THSD7A: variants seen among roughly 807,000 people sequenced by gnomAD.
THSD7A encodes the protein thrombospondin type 1 domain containing 7A.
Under a neutral mutation model 231.3 loss-of-function variants are expected in THSD7A, and 96 were observed. That is an observed-to-expected ratio of 0.41 (90% confidence interval 0.35 to 0.49). The LOEUF (loss-of-function observed/expected upper bound fraction) is 0.49. Among genes scored for constraint, THSD7A ranks in the 20% least tolerant of loss-of-function variants. The pLI is 0.05. For missense variants in THSD7A, 2,290 were observed against 2,070.2 expected, an observed-to-expected ratio of 1.11 and a Z score of -2.06; for synonymous variants, 940 against 743.3, an observed-to-expected ratio of 1.26 and a Z score of -4.30.
intron 1 of THSD7A, among the ~76,000 whole-genome samples, chr7:11,638,485 A>G (rs1781954097): frequency 6.6e-6 from 1 of 152,194 alleles, no homozygotes; most frequent in South Asian, 2.1e-4. Context: ...TTAATGAGAA[A>G]GATGTTTAAA....
At chr7:11,402,002 T>A (rs778558698) in intron 22 of THSD7A, 34 bp from the exon 23 acceptor site, 16 of 1,586,430 alleles carry the variant, frequency 1.0e-5, no homozygotes, top group Non-Finnish European at 1.4e-5. Context: ...TACACCCATA[T>A]CCACAGAGAA....
chr7:11,515,777 G>A (rs1361241082), intron 6 of THSD7A, among the ~76,000 whole-genome samples: 1 of 152,060 alleles, frequency 6.6e-6, no homozygotes, highest in East Asian at 1.9e-4. Flanking sequence ...GTACATCTAT[G>A]GCAATGATTT....
chr7:11,815,141 T>A (rs1253581160), intron 1 of THSD7A, among the ~76,000 whole-genome samples: 1 of 152,050 alleles, frequency 6.6e-6, no homozygotes, highest in East Asian at 1.9e-4. Flanking sequence ...AGCTTCATAT[T>A]TTTGAAGACC....
rs371781835 is a variant in THSD7A, at chr7:11,820,468, G to A, written c.190+11289C>T. The A allele has an allele frequency of 1.8e-4, 209 of 1,181,694 alleles. 1 individual carries two copies. The African/African-American group carries it at 2.8e-3, about 16-fold the overall frequency. The allele number at this position is 1,181,694 out of a possible 1,614,324, so 73.2% of individuals were successfully genotyped here. A position where few individuals can be genotyped will look rare whatever the true frequency, so the allele number is the denominator to read the frequency against. Reference sequence around the variant, plus strand: ...CCAGAACATGAACCGGCCCTGACCCGGAGGTCATCATGCAAGTAATACTTC... The same window carrying A: ...CCAGAACATGAACCGGCCCTGACCCAGAGGTCATCATGCAAGTAATACTTC... On this transcript the variant is annotated intron_variant, in intron 1 of 27. Transcript: ENST00000423059.
intron 16 of THSD7A, among the ~76,000 whole-genome samples, chr7:11,423,454 C>T (rs1784218654): frequency 6.6e-6 from 1 of 150,880 alleles, no homozygotes; most frequent in Non-Finnish European, 1.5e-5. Flanking sequence ...CTGCAAGCTC[C>T]GCCTCCCGGG....
intron 1 of THSD7A, among the ~76,000 whole-genome samples, chr7:11,672,930 G>A (rs12537123): frequency 0.54 from 82,784 of 151,898 alleles, 23,033 homozygotes; most frequent in South Asian, 0.69. Flanking sequence ...GTAAAATTAT[G>A]ATTAAATTCT....
chr7:11,587,440 G>A (rs536906291), intron 4 of THSD7A, among the ~76,000 whole-genome samples: 1 of 152,102 alleles, frequency 6.6e-6, no homozygotes. Context: ...GATTGGGAGG[G>A]TTACCTACAG....
intron 1 of THSD7A, among the ~76,000 whole-genome samples, chr7:11,709,905 T>C (rs1415560073): frequency 2.0e-5 from 3 of 150,826 alleles, no homozygotes; most frequent in Admixed American, 6.6e-5. Flanking sequence ...AGTGCAAACA[T>C]GCATTCCTGC....
intron 1 of THSD7A, among the ~76,000 whole-genome samples, chr7:11,804,834 T>C (rs999093440): frequency 6.6e-6 from 1 of 152,138 alleles, no homozygotes; most frequent in African/African-American, 2.4e-5. Flanking sequence ...TCGGTCCCCA[T>C]GTGCAGGCCT....
intron 1 of THSD7A, among the ~76,000 whole-genome samples, chr7:11,704,665 CGT>C (rs1780707609): frequency 2.0e-5 from 3 of 150,918 alleles, no homozygotes; most frequent in Non-Finnish European, 4.5e-5. Flanking sequence ...GAGTGAAGTT[CGT>C]AACCTGAGGC....
intron 1 of THSD7A, among the ~76,000 whole-genome samples, chr7:11,680,961 T>A (rs550378326): frequency 5.9e-5 from 9 of 152,166 alleles, no homozygotes; most frequent in African/African-American, 2.2e-4. Context: ...CAAATGCCCA[T>A]GAATGATAGA....
chr7:11,508,020 C>T (rs540627739), intron 6 of THSD7A, among the ~76,000 whole-genome samples: 1 of 152,224 alleles, frequency 6.6e-6, no homozygotes, highest in South Asian at 2.1e-4. Flanking sequence ...GCATGTGTTA[C>T]ATGGTGGCAG....
intron 1 of THSD7A, among the ~76,000 whole-genome samples, chr7:11,807,960 C>A (rs1278713674): frequency 6.6e-6 from 1 of 152,048 alleles, no homozygotes; most frequent in East Asian, 1.9e-4. Context: ...ACTGTCAGAG[C>A]AATACTGAAA....
At chr7:11,542,859 G>T in intron 5 of THSD7A, 103 bp downstream of exon 5, 4 of 1,301,570 alleles carry the variant, frequency 3.1e-6, no homozygotes, top group Middle Eastern at 1.9e-4. Context: ...TAGCCATTCT[G>T]GAAAATACCA....
intron 2 of THSD7A, among the ~76,000 whole-genome samples, chr7:11,614,919 G>GTGAAATT (rs2128350300): frequency 6.6e-6 from 1 of 152,250 alleles, no homozygotes; most frequent in Non-Finnish European, 1.5e-5. Flanking sequence ...AAAAAAGAAA[G>GTGAAATT]TGAAATTTCA....
chr7:11,599,388 C>A (rs892630740), intron 2 of THSD7A, among the ~76,000 whole-genome samples: 1 of 152,184 alleles, frequency 6.6e-6, no homozygotes. Flanking sequence ...CCAGCTACGA[C>A]CACGTGGCCA....
chr7:11,433,412 A>C lies in THSD7A; in HGVS notation c.3065-4287T>G, dbSNP rs148253425. ...TCTTTAAATAAGTTATAGTTTAATA[A>C]ATACAATCAAACTTTAAAAGTATCT... is the stretch of plus-strand genomic sequence containing the variant. On this transcript the variant is annotated intron_variant, in intron 13 of 27. Coordinates refer to ENST00000423059, the MANE Select transcript of THSD7A (RefSeq NM_015204.3). Among the ~76,000 whole-genome samples the C allele has an allele frequency of 1.7e-3, 257 of 152,134 alleles. 1 individual carries two copies. Among genetic ancestry groups the C allele is most frequent in the Middle Eastern group, 6.8e-3 (2 of 294 alleles).
intron 1 of THSD7A, among the ~76,000 whole-genome samples, chr7:11,683,207 C>G (rs899766809): frequency 6.6e-6 from 1 of 151,540 alleles, no homozygotes; most frequent in Non-Finnish European, 1.5e-5. Context: ...ATCAGGAGCT[C>G]TTAAAAACCA....
At position 11,471,958 on chromosome 7, in the gene THSD7A, A is replaced by G. The variant is rs116163180; in HGVS notation, c.2253-1964T>C. 4.3e-3 allele frequency among the ~76,000 whole-genome samples: 649 copies of G among 152,280 alleles called. 1 individual carries two copies. The highest frequency in any genetic ancestry group is 0.015 in the African/African-American group (621 of 41,590). ...TTACTCAGTTGCATGCTCCTCAGAT[A>G]TTAGCCCTGAATAAATCAATGAAAT... is the stretch of plus-strand genomic sequence containing the variant. On this transcript the variant is annotated intron_variant, in intron 8 of 27. Transcript: ENST00000423059.
Sources: allele counts gnomAD v4.1 joint callset (sites outside exome capture counted in the v4.1 genomes callset), GRCh38; gene constraint gnomAD v4.1.1; transcripts MANE v1.5; gene names NCBI Gene and HGNC (gene_info 2026-07-23, HGNC 2026-07-21).